MARCHF1: variants seen among roughly 807,000 people sequenced by gnomAD.
The protein encoded by MARCHF1 is E3 ubiquitin-protein ligase MARCHF1.
In MARCHF1, 40 loss-of-function variants were observed where a neutral mutation model predicts 54.2. The ratio of observed to expected loss-of-function variants is 0.74; its 90% CI spans 0.57 to 0.96. The LOEUF (loss-of-function observed/expected upper bound fraction) is 0.96. MARCHF1 is among the 40% of genes least tolerant of loss of function. The pLI is 0.00. For missense variants in MARCHF1, 586 were observed against 656.5 expected (o/e 0.89, Z 1.17); for synonymous variants, 236 against 236.3 (o/e 1.00, Z 0.01).
chr4:164,028,387 A>T (rs1753813221), intron 2 of MARCHF1, among the ~76,000 whole-genome samples: 1 of 152,222 alleles, frequency 6.6e-6, no homozygotes, highest in African/African-American at 2.4e-5. Context: ...AATACTTCAC[A>T]TCCATAAAAA....
intron 1 of MARCHF1, among the ~76,000 whole-genome samples, chr4:164,217,459 G>A (rs763416702): frequency 6.6e-6 from 1 of 152,098 alleles, no homozygotes; most frequent in Non-Finnish European, 1.5e-5. Flanking sequence ...TAAGCCTTTG[G>A]GAAATGTACC....
intron 1 of MARCHF1, among the ~76,000 whole-genome samples, chr4:164,341,623 T>C (rs1344864240): frequency 1.3e-5 from 2 of 152,190 alleles, no homozygotes; most frequent in Non-Finnish European, 2.9e-5. Flanking sequence ...ATAAATGGCA[T>C]CAGGTTGCTG....
At chr4:163,875,720 G>A (rs185923199) in intron 3 of MARCHF1, among the ~76,000 whole-genome samples, 66 of 152,142 alleles carry the variant, frequency 4.3e-4, no homozygotes, top group African/African-American at 1.5e-3. Context: ...TGCCTAATTC[G>A]TATTTTGCAA....
intron 1 of MARCHF1, among the ~76,000 whole-genome samples, chr4:164,181,793 G>A (rs182920635): frequency 2.0e-5 from 3 of 152,142 alleles, no homozygotes; most frequent in Admixed American, 2.0e-4. Context: ...TTATATTGTG[G>A]CAACACAGTC....
At chr4:163,524,560 A>G (rs1738035225), downstream of MARCHF1, 1 of 151,984 alleles carries the variant, frequency 6.6e-6, no homozygotes, top group African/African-American at 2.4e-5. Flanking sequence ...CTGTTTGTGT[A>G]TTTATTTATT....
At chr4:163,997,155 G>C (rs142619336) in intron 2 of MARCHF1, among the ~76,000 whole-genome samples, 1 of 152,068 alleles carries the variant, frequency 6.6e-6, no homozygotes, top group East Asian at 1.9e-4. Flanking sequence ...TGAGGGCCAA[G>C]AGCAGAGAAA....
rs142806313 is a variant in MARCHF1, at chr4:163,691,536, C to G, written c.162+9277G>C. Among the ~76,000 whole-genome samples, 106 of 152,150 alleles carry G rather than the reference C, an allele frequency of 7.0e-4. 1 individual carries two copies. The East Asian group carries it at 0.018, about 26-fold the overall frequency. The stretch of plus-strand genomic sequence containing the variant: ...GACTCAGATTTCTCAGGCAAGCTAC[C>G]CAGAGCAGCATAAGTGCTGGAAAAA... On this transcript the variant is annotated intron_variant, in intron 5 of 9. Transcript: ENST00000514618.
rs1729609664 is a variant in MARCHF1 at position 164,144,411 on chromosome 4, A to C, written c.-322-32749T>G. 2.0e-5 allele frequency among the ~76,000 whole-genome samples: 3 copies of C among 151,004 alleles called. No individual in the cohort carries two copies. The South Asian group carries it at 6.2e-4, about 31-fold the overall frequency. On this transcript the variant is annotated intron_variant, in intron 1 of 9. Transcript: ENST00000514618. ...CCACACCTATTCCAAAATTGACCACATACTTGGAAGTAAAGCTCTCCTCAG... is the reference window on the plus strand; with the variant it reads ...CCACACCTATTCCAAAATTGACCACCTACTTGGAAGTAAAGCTCTCCTCAG...
At chr4:164,175,495 A>G (rs1579595671) in intron 1 of MARCHF1, among the ~76,000 whole-genome samples, 1 of 152,350 alleles carries the variant, frequency 6.6e-6, no homozygotes, top group East Asian at 1.9e-4. Context: ...AATTCTATGT[A>G]TCAACTTGGC....
chr4:163,655,802 G>T (rs1296124408), intron 5 of MARCHF1, among the ~76,000 whole-genome samples: 1 of 151,962 alleles, frequency 6.6e-6, no homozygotes, highest in African/African-American at 2.4e-5. Context: ...GCTTCTGAAT[G>T]ACTCCTGAGT....
chr4:163,609,677 C>T (rs557508545), intron 7 of MARCHF1, among the ~76,000 whole-genome samples: 5 of 150,040 alleles, frequency 3.3e-5, no homozygotes, highest in Non-Finnish European at 7.4e-5. Context: ...TATACACACA[C>T]ATATATATAT....
In MARCHF1 at chr4:164,292,905, C is replaced by T. The variant is rs562052160; in HGVS notation, c.-323+90965G>A. On this transcript the variant is annotated intron_variant, in intron 1 of 9. Coordinates refer to ENST00000514618, the MANE Select transcript of MARCHF1 (RefSeq NM_001394959.1). ...GGTTGGTATATCAACGTGATTCCTC[C>T]CTAAAATCTTCTACTAATGCTATAA... is the stretch of plus-strand genomic sequence containing the variant. Among the ~76,000 whole-genome samples the T allele has an allele frequency of 1.3e-3, 203 of 152,140 alleles. 3 individuals carry two copies. The highest frequency in any genetic ancestry group is 1.2e-3 in the Non-Finnish European group (82 of 68,006).
intron 4 of MARCHF1, among the ~76,000 whole-genome samples, chr4:163,708,701 A>T (rs1745020086): frequency 6.6e-6 from 1 of 152,176 alleles, no homozygotes; most frequent in South Asian, 2.1e-4. Flanking sequence ...GTAGTCTATG[A>T]CTATATGAGC....
intron 3 of MARCHF1, among the ~76,000 whole-genome samples, chr4:163,894,309 G>A (rs1481803159): frequency 6.6e-6 from 1 of 151,888 alleles, no homozygotes; most frequent in Admixed American, 6.6e-5. Context: ...CTATTTACTT[G>A]TGTAAATCAG....
chr4:163,648,674 G>A (rs1169401072), intron 5 of MARCHF1, among the ~76,000 whole-genome samples: 2 of 145,338 alleles, frequency 1.4e-5, no homozygotes, highest in African/African-American at 5.1e-5. Context: ...AAAACAAGGA[G>A]CTGAAAATTA....
rs76482280 is a variant in MARCHF1 at position 164,049,472 on chromosome 4, C to G, written c.-247-60763G>C. 5.3e-5 allele frequency among the ~76,000 whole-genome samples: 8 copies of G among 151,842 alleles called. No individual in the cohort carries two copies. In the East Asian group the frequency reaches 1.5e-3, roughly 29 times the overall value. On this transcript the variant is annotated intron_variant, in intron 2 of 9. Transcript: ENST00000514618. ...TTTTTTAAATAATGATACTTGAGAT[C>G]AGAGAGGTTAATGACTAAATTTACA...
At chr4:163,669,514 A>G (rs1458170364) in intron 5 of MARCHF1, among the ~76,000 whole-genome samples, 1 of 151,478 alleles carries the variant, frequency 6.6e-6, no homozygotes, top group African/African-American at 2.4e-5. Context: ...CAGGTCCTGG[A>G]CTCCTACTTC....
intron 1 of MARCHF1, among the ~76,000 whole-genome samples, chr4:164,263,950 TA>T (rs1733536402): frequency 6.6e-6 from 1 of 152,198 alleles, no homozygotes; most frequent in Admixed American, 6.5e-5. Context: ...CTCAAAGAGC[TA>T]AAAGCAGAGT....
At chr4:163,638,638 C>T (rs1164984320) in intron 5 of MARCHF1, among the ~76,000 whole-genome samples, 1 of 151,966 alleles carries the variant, frequency 6.6e-6, no homozygotes, top group Non-Finnish European at 1.5e-5. Context: ...AAAATAATTC[C>T]CCTTCTGAGT....
Sources: gnomAD v4.1 joint callset for allele counts (sites outside exome capture counted in the v4.1 genomes callset) on GRCh38, gnomAD v4.1.1 for gene constraint, MANE v1.5 for transcripts, NCBI Gene and HGNC (gene_info 2026-07-23, HGNC 2026-07-21) for gene names.